The following LGR5 variants were observed in gnomAD, a reference collection of about 807,000 sequenced individuals.
LGR5 encodes the protein leucine rich repeat containing G protein-coupled receptor 5.
LGR5 carries 54 observed loss-of-function variants against 76.7 expected under a neutral mutation model. The ratio of observed to expected loss-of-function variants is 0.70; its 90% CI spans 0.57 to 0.88. The LOEUF (loss-of-function observed/expected upper bound fraction) is 0.88, where lower values mean the gene tolerates loss of function less well. LGR5 is among the 40% of genes least tolerant of loss of function. The pLI is 0.00. For synonymous variants in LGR5, 406 were observed against 421.9 expected (o/e 0.96, Z 0.46); for missense variants, 1,078 against 1,073.3 (o/e 1.00, Z -0.06).
At position 71,579,007 on chromosome 12, in the gene LGR5, T is replaced by A. The variant is rs1148997; in HGVS notation, c.1406+78T>A. On this transcript the variant is annotated intron_variant, in intron 15 of 17. Transcript: ENST00000266674. The stretch of plus-strand genomic sequence containing the variant: ...AGATGTATTATAGTGGTGTTCTAAA[T>A]TTATGAGGTCGTGAGACACTTTTGA... 432 of 1,327,636 alleles carry A rather than the reference T, an allele frequency of 3.3e-4. 2 individuals carry two copies. The highest frequency in any genetic ancestry group is 1.0e-3 in the Middle Eastern group (5 of 4,880). 82.2% of individuals were successfully genotyped at this position (1,327,636 alleles called of 1,614,324 possible). A position where few individuals can be genotyped will look rare whatever the true frequency, so the allele number is the denominator to read the frequency against.
chr12:71,554,515 C>A (rs1877662109), intron 5 of LGR5, among the ~76,000 whole-genome samples: 1 of 152,194 alleles, frequency 6.6e-6, no homozygotes, highest in African/African-American at 2.4e-5. Flanking sequence ...TAATTTGTTA[C>A]TTCTACAAAG....
At chr12:71,447,966 C>CT (rs1210727774) in intron 1 of LGR5, among the ~76,000 whole-genome samples, 3 of 152,076 alleles carry the variant, frequency 2.0e-5, no homozygotes, top group Non-Finnish European at 4.4e-5. Flanking sequence ...TTAGCCTGTC[C>CT]TTTTTTCCGT....
chr12:71,495,077 T>TA (rs778076062), intron 1 of LGR5, among the ~76,000 whole-genome samples: 1 of 149,006 alleles, frequency 6.7e-6, no homozygotes, highest in Non-Finnish European at 1.5e-5. Context: ...TGGGGCGTAG[T>TA]CGGGGGGGGT....
At position 71,493,361 on chromosome 12, in the gene LGR5, C is replaced by T. The variant is rs1310625135; in HGVS notation, c.213-11253C>T. 4.0e-5 allele frequency among the ~76,000 whole-genome samples: 6 copies of T among 151,266 alleles called. 1 individual carries two copies. The highest frequency in any genetic ancestry group is 1.5e-4 in the African/African-American group (6 of 40,532). On this transcript the variant is annotated intron_variant, in intron 1 of 17. Coordinates refer to ENST00000266674, the MANE Select transcript of LGR5 (RefSeq NM_003667.4). ...ATAAACTGATATAAATCAGGAAACA[C>T]AGGGTCATAGACTCCTATGAGGATT...
chr12:71,503,873 A>G (rs1462523453), intron 1 of LGR5, among the ~76,000 whole-genome samples: 2 of 152,224 alleles, frequency 1.3e-5, no homozygotes, highest in Admixed American at 1.3e-4. Flanking sequence ...TGTAAGAGAC[A>G]GTAAAGAAAT....
intron 1 of LGR5, among the ~76,000 whole-genome samples, chr12:71,456,631 T>A (rs919227189): frequency 4.6e-5 from 7 of 152,152 alleles, no homozygotes; most frequent in Non-Finnish European, 8.8e-5. Flanking sequence ...GAGGTTTAAA[T>A]GGAGCTAAAT....
At chr12:71,522,253 TG>T in intron 2 of LGR5, among the ~76,000 whole-genome samples, 1 of 152,254 alleles carries the variant, frequency 6.6e-6, no homozygotes, top group South Asian at 2.1e-4. Context: ...TGGTCAGAGT[TG>T]TCTTTATAAA....
At chr12:71,493,177 A>G (rs1874153704) in intron 1 of LGR5, among the ~76,000 whole-genome samples, 1 of 151,312 alleles carries the variant, frequency 6.6e-6, no homozygotes, top group African/African-American at 2.5e-5. Context: ...TGGGAAGACA[A>G]TAGGGATCGT....
chr12:71,556,614 T>C lies in LGR5; in HGVS notation c.645-5T>C. On this transcript the variant is annotated splice_polypyrimidine_tract_variant and splice_region_variant and intron_variant, in intron 5 of 17. Transcript: ENST00000266674. ...TTCCTAACTATCTGTAATGTTCTAC[T>C]GCAGACATCTCCATAACAATAGAAT... 1.3e-6 allele frequency: 2 copies of C among 1,595,562 alleles called. No individual in the cohort carries two copies. The highest frequency in any genetic ancestry group is 8.6e-7 in the Non-Finnish European group (1 of 1,163,080).
chr12:71,574,998 T>C (rs1295961), intron 13 of LGR5, among the ~76,000 whole-genome samples: 141,266 of 152,272 alleles, frequency 0.93, 66,317 homozygotes, highest in East Asian at 1. Flanking sequence ...GTGGCTTTTT[T>C]ATTATTTGCT....
At chr12:71,532,943 G>A (rs1365300766) in intron 3 of LGR5, among the ~76,000 whole-genome samples, 2 of 152,100 alleles carry the variant, frequency 1.3e-5, no homozygotes, top group Admixed American at 1.3e-4. Context: ...TGTAGACCAG[G>A]CTACTCTAAA....
Position 71,440,237 on chromosome 12 carries a change from T to A in LGR5, c.157T>A (p.Ser53Thr). The A allele has an allele frequency of 6.2e-7, 1 of 1,613,348 alleles. No homozygotes were observed. The highest frequency in any genetic ancestry group is 8.5e-7 in the Non-Finnish European group (1 of 1,179,934). Residue 53 changes from serine (S) to threonine (T), a missense_variant, in exon 1 of 18, where the codon TCC becomes ACC. Coordinates refer to ENST00000266674, the MANE Select transcript of LGR5 (RefSeq NM_003667.4). This position sits in a 1 kb window ranked among gnomAD's most constrained non-coding sequence, Gnocchi z 5.3. ...CAGGATGTTGCTCAGGGTGGACTGC[T>A]CCGACCTGGGGCTCTCGGAGCTGCC... ...DGRMLLRVDC[S>T]DLGLSELPSN...
chr12:71,462,216 A>G (rs893887104), intron 1 of LGR5, among the ~76,000 whole-genome samples: 1 of 152,010 alleles, frequency 6.6e-6, no homozygotes, highest in African/African-American at 2.4e-5. Flanking sequence ...CTCTACAATC[A>G]CCTCAAGTCA....
intron 16 of LGR5, among the ~76,000 whole-genome samples, chr12:71,582,026 A>G (rs1565781135): frequency 6.6e-6 from 1 of 152,228 alleles, no homozygotes; most frequent in African/African-American, 2.4e-5. Flanking sequence ...GAAGACTGAA[A>G]CTTACTGTGT....
At chr12:71,551,445 GA>G (rs1017016425) in intron 4 of LGR5, among the ~76,000 whole-genome samples, 31 of 152,194 alleles carry the variant, frequency 2.0e-4, no homozygotes, top group African/African-American at 7.5e-4. Flanking sequence ...ATCCACTTCT[GA>G]TTTTCTACTC....
At chr12:71,542,114 G>A (rs1282028386) in intron 4 of LGR5, among the ~76,000 whole-genome samples, 3 of 152,210 alleles carry the variant, frequency 2.0e-5, no homozygotes, top group Non-Finnish European at 4.4e-5. Flanking sequence ...TGTGCATTTA[G>A]TTGTCTGGTC....
At chr12:71,519,404 G>A (rs35046939) in intron 2 of LGR5, among the ~76,000 whole-genome samples, 11,555 of 152,102 alleles carry the variant, frequency 0.076, 587 homozygotes, top group Non-Finnish European at 0.12. Context: ...TTATTCACTT[G>A]AGTTTTTATT....
At chr12:71,487,164 C>G (rs775373480) in intron 1 of LGR5, among the ~76,000 whole-genome samples, 36 of 152,126 alleles carry the variant, frequency 2.4e-4, no homozygotes, top group Non-Finnish European at 4.3e-4. Flanking sequence ...TTTTTGTCAT[C>G]TCTACATTTG....
intron 1 of LGR5, among the ~76,000 whole-genome samples, chr12:71,462,999 C>G (rs1872737580): frequency 6.6e-6 from 1 of 151,982 alleles, no homozygotes; most frequent in Non-Finnish European, 1.5e-5. Flanking sequence ...AGACAAATGC[C>G]CTTACAAGTT....
Sources: allele counts gnomAD v4.1 joint callset (sites outside exome capture counted in the v4.1 genomes callset), GRCh38; gene constraint gnomAD v4.1.1; non-coding constraint Gnocchi (gnomAD v3.1); transcripts MANE v1.5; gene names NCBI Gene and HGNC (gene_info 2026-07-23, HGNC 2026-07-21).